Variants in STIM1 observed in about 807,000 individuals in gnomAD.
The protein encoded by STIM1 is stromal interaction molecule 1.
STIM1 carries 25 observed loss-of-function variants against 74.7 expected under a neutral mutation model. That is an observed-to-expected ratio of 0.33 (90% confidence interval 0.24 to 0.47). The LOEUF (loss-of-function observed/expected upper bound fraction) is 0.47. Ranked by LOEUF, STIM1 falls within the 20% of genes least tolerant of loss-of-function variation. STIM1 has a pLI of 1.00. For missense variants in STIM1, 728 were observed against 920.8 expected (o/e 0.79, Z 2.71); for synonymous variants, 328 against 348.8 (o/e 0.94, Z 0.66).
At chr11:4,039,600 A>C (rs1443485607) in intron 3 of STIM1, among the ~76,000 whole-genome samples, 1 of 151,412 alleles carries the variant, frequency 6.6e-6, no homozygotes, top group Non-Finnish European at 1.5e-5. Context: ...AAAAAAAAAA[A>C]AAAAACGAAA....
chr11:4,055,565 T>G lies in STIM1; in HGVS notation c.425T>G (p.Ile142Ser). 6.2e-7 allele frequency: 1 copy of G among 1,601,416 alleles called. No individual in the cohort carries two copies. Among genetic ancestry groups the G allele is most frequent in the African/African-American group, 1.3e-5 (1 of 74,894 alleles). ...WTVDEVVQWLITYVELPQYEE... is the reference protein window; with the variant it reads ...WTVDEVVQWLSTYVELPQYEE... ...GTGGATGAGGTGGTACAGTGGCTGA[T>G]CACATATGTGGAGCTGCCTCAGTAT... Residue 142 changes from isoleucine (I) to serine (S), a missense_variant, in exon 4 of 13, where the codon ATC becomes AGC. Physicochemically the swap from Ile to Ser is moderately radical, Grantham distance 142. Around this residue, in one of 5 missense-constraint regions of STIM1, gnomAD observed 132 missense variants for 158.2 expected, o/e 0.83. Transcript: ENST00000526596.
At chr11:3,973,014 GC>G (rs1267602038) in intron 2 of STIM1, 1 of 492,944 alleles carries the variant, frequency 2.0e-6, no homozygotes, top group Non-Finnish European at 4.0e-6. Flanking sequence ...AGCTGCTTCT[GC>G]CTCCATCGTT....
intron 3 of STIM1, among the ~76,000 whole-genome samples, chr11:4,055,249 A>G (rs2094279226): frequency 6.6e-6 from 1 of 152,178 alleles, no homozygotes; most frequent in South Asian, 2.1e-4. Context: ...TATATCCATC[A>G]CCTTATAATG....
intron 1 of STIM1, among the ~76,000 whole-genome samples, chr11:3,872,809 C>T (rs2091158512): frequency 6.6e-6 from 1 of 152,162 alleles, no homozygotes; most frequent in South Asian, 2.1e-4. Flanking sequence ...GCGTGAGCCA[C>T]CGTGTCTGGC....
At chr11:3,963,441 C>A (rs943990213) in intron 1 of STIM1, among the ~76,000 whole-genome samples, 10 of 152,130 alleles carry the variant, frequency 6.6e-5, no homozygotes, top group Non-Finnish European at 1.5e-4. Context: ...ATGGCTGCAT[C>A]TGTTTTACTT....
intron 1 of STIM1, among the ~76,000 whole-genome samples, chr11:3,895,736 T>TTTCC (rs2092117132): frequency 3.1e-5 from 1 of 31,990 alleles, no homozygotes; most frequent in Non-Finnish European, 5.5e-5. Flanking sequence ...CTTTCTTTCT[T>TTTCC]TTTCTTTCTT....
At chr11:3,862,878 A>ACG (rs1477668470) in intron 1 of STIM1, among the ~76,000 whole-genome samples, 2 of 149,186 alleles carry the variant, frequency 1.3e-5, no homozygotes, top group African/African-American at 5.1e-5. Flanking sequence ...ACACACACAC[A>ACG]CGCACACACA....
chr11:3,981,145 G>C (rs1344280147), intron 2 of STIM1, among the ~76,000 whole-genome samples: 1 of 152,150 alleles, frequency 6.6e-6, no homozygotes, highest in Non-Finnish European at 1.5e-5. Context: ...GGCCAAGCTG[G>C]TCTTGAACTC....
In STIM1 at chr11:3,885,982, G is replaced by C. The variant is rs143169079; in HGVS notation, c.139+29573G>C. On this transcript the variant is annotated intron_variant, in intron 1 of 12. Transcript: ENST00000526596. ...GAGTTTGAGCATGATCGTAGGCAAG[G>C]GCCCATCAATGAAGGTGTTGAGGAT... Among the ~76,000 whole-genome samples the C allele has an allele frequency of 2.3e-3, 352 of 152,264 alleles. 1 individual carries two copies. Among genetic ancestry groups the C allele is most frequent in the Non-Finnish European group, 4.2e-3 (285 of 68,030 alleles).
At chr11:3,928,227 ATT>A (rs373423422) in intron 1 of STIM1, among the ~76,000 whole-genome samples, 378 of 140,596 alleles carry the variant, frequency 2.7e-3, no homozygotes, top group Non-Finnish European at 3.0e-3. Context: ...GTAACAGTCC[ATT>A]TTTTTTTTTT....
At chr11:3,880,707 A>C (rs962351272) in intron 1 of STIM1, among the ~76,000 whole-genome samples, 1 of 152,122 alleles carries the variant, frequency 6.6e-6, no homozygotes, top group Non-Finnish European at 1.5e-5. Flanking sequence ...TGCGATGGTT[A>C]TATCTCTGGC....
chr11:4,046,546 G>T (rs889533157), intron 3 of STIM1, among the ~76,000 whole-genome samples: 2 of 152,174 alleles, frequency 1.3e-5, no homozygotes, highest in African/African-American at 2.4e-5. Context: ...GACATTAAGA[G>T]ATTGGAGCAT....
chr11:4,003,843 T>G (rs1050385994), intron 2 of STIM1, among the ~76,000 whole-genome samples: 10 of 152,212 alleles, frequency 6.6e-5, no homozygotes, highest in African/African-American at 2.2e-4. Context: ...AAAACCCCAT[T>G]GTCTCAGCCC....
intron 12 of STIM1, among the ~76,000 whole-genome samples, chr11:4,089,777 C>T (rs935854264): frequency 3.3e-5 from 5 of 152,280 alleles, no homozygotes; most frequent in African/African-American, 1.2e-4. Flanking sequence ...GACCCTCAGC[C>T]TCTTTCTTTC....
chr11:4,091,182 G>C (rs1235170390), intron 12 of STIM1, 100 bp from the exon 13 acceptor site: 2 of 1,551,914 alleles, frequency 1.3e-6, no homozygotes, highest in Non-Finnish European at 1.8e-6. Flanking sequence ...TTCCTACCCT[G>C]TCCTTGTCTT....
intron 2 of STIM1, among the ~76,000 whole-genome samples, chr11:3,998,561 T>A (rs2093683438): frequency 6.6e-6 from 1 of 152,202 alleles, no homozygotes; most frequent in African/African-American, 2.4e-5. Context: ...GATGGATTTA[T>A]GGAGCTAAAT....
intron 1 of STIM1, among the ~76,000 whole-genome samples, chr11:3,913,199 T>TA (rs1191728029): frequency 6.6e-6 from 1 of 152,056 alleles, no homozygotes; most frequent in African/African-American, 2.4e-5. Context: ...CTTTTTTTTT[T>TA]CTTTTCTTAG....
At chr11:4,045,399 A>G (rs137988411) in intron 3 of STIM1, among the ~76,000 whole-genome samples, 240 of 152,048 alleles carry the variant, frequency 1.6e-3, no homozygotes, top group African/African-American at 5.4e-3. Flanking sequence ...ATGCGTTAGG[A>G]TATATATTCA....
At chr11:3,947,234 C>T (rs2093088113) in intron 1 of STIM1, 1 of 152,162 alleles carries the variant, frequency 6.6e-6, no homozygotes, top group African/African-American at 2.4e-5. Context: ...TCATCCCAGC[C>T]CATTTCCTGT....
Sources: allele counts gnomAD v4.1 joint callset (sites outside exome capture counted in the v4.1 genomes callset), GRCh38; gene constraint gnomAD v4.1.1; regional missense constraint gnomAD v4.1.1; transcripts MANE v1.5; gene names NCBI Gene and HGNC (gene_info 2026-07-23, HGNC 2026-07-21).